ANO7: variants seen among roughly 807,000 people sequenced by gnomAD.
The protein encoded by ANO7 is anoctamin-7.
Under a neutral mutation model 115.8 loss-of-function variants are expected in ANO7, and 114 were observed. The observed-to-expected ratio is 0.98, with a 90% CI of 0.85 to 1.15. The LOEUF (loss-of-function observed/expected upper bound fraction) is 1.15, where lower values mean the gene tolerates loss of function less well. Among genes scored for constraint, ANO7 ranks in the 50% most tolerant of loss-of-function variants. The probability of loss-of-function intolerance (pLI) is 0.00; values close to 1 mark genes in which losing one functional copy is unlikely to be tolerated. For missense variants in ANO7, 1,302 were observed against 1,201.2 expected (o/e 1.08, Z -1.24); for synonymous variants, 550 against 498.2 (o/e 1.10, Z -1.38).
chr2:241,209,579 C>A lies in ANO7; in HGVS notation c.1303C>A (p.Pro435Thr). 1 of 1,603,540 alleles carries A rather than the reference C, an allele frequency of 6.2e-7. No individual in the cohort carries two copies. The highest frequency in any genetic ancestry group is 1.1e-5 in the South Asian group (1 of 90,122). Residue 435 changes from proline (P) to threonine (T), a missense_variant, in exon 13 of 25, where the codon CCT becomes ACT. By Grantham distance (38) the Pro-to-Thr change is conservative. Coordinates refer to ENST00000674324, the MANE Select transcript of ANO7 (RefSeq NM_001370694.2). Reference sequence around the variant, plus strand: ...CACGGGTGAGGACGAGCCCTACTTCCCTGAGAGGAGCCGCGCGCGCCGCAT... The same window carrying A: ...CACGGGTGAGGACGAGCCCTACTTCACTGAGAGGAGCCGCGCGCGCCGCAT... ...PITGEDEPYF[P>T]ERSRARRMLA...
Position 241,223,273 on chromosome 2 carries a change from T to G in ANO7, c.2409T>G (p.Phe803Leu). 1 of 1,614,254 alleles carries G rather than the reference T, an allele frequency of 6.2e-7. No homozygotes were observed. Among genetic ancestry groups the G allele is most frequent in the Non-Finnish European group, 8.5e-7 (1 of 1,180,046 alleles). Residue 803 changes from phenylalanine to leucine, a missense_variant, in exon 22 of 25, where the codon TTT (phenylalanine) becomes TTG (leucine). By Grantham distance (22) the Phe-to-Leu change is conservative. Transcript: ENST00000674324. ...TCCGCCTGGCCTTCGTCATTGTGTT[T>G]GAGGTAGCCGAGGCACCTGCTGGTT... ...LAIRLAFVIV[F>L]EHVVFSVGRL...
chr2:241,188,729 A>G lies in ANO7; in HGVS notation c.-45A>G. On this transcript the variant is annotated 5_prime_UTR_variant, in exon 1 of 25. The change abolishes an upstream ATG in the 5' untranslated region. Coordinates refer to ENST00000674324, the MANE Select transcript of ANO7 (RefSeq NM_001370694.2). This position sits in a 1 kb window ranked among gnomAD's most constrained non-coding sequence, Gnocchi z 4.3. ...CCAGGCTCACGCTGAGAGGTGGGCC[A>G]TGACCTCCGAGACCTCTTCCGGAAG... 6 of 1,613,546 alleles carry G rather than the reference A, an allele frequency of 3.7e-6. No individual in the cohort carries two copies. Among genetic ancestry groups the G allele is most frequent in the South Asian group, 1.1e-5 (1 of 91,060 alleles).
the ANO7 span, chr2:241,240,054 C>G: frequency 6.2e-7 from 1 of 1,614,198 alleles, no homozygotes; most frequent in Non-Finnish European, 8.5e-7. The surrounding 1 kb of genome is among the most constrained non-coding windows in gnomAD (Gnocchi z 5.5). Flanking sequence ...TTTTGCCGCC[C>G]CCCTTGCCGA....
chr2:241,220,542 CA>C (rs1290990868), intron 21 of ANO7, among the ~76,000 whole-genome samples: 1 of 151,882 alleles, frequency 6.6e-6, no homozygotes, highest in Admixed American at 6.6e-5. Flanking sequence ...GTTAAAAATA[CA>C]AAAAAAGGCT....
intron 10 of ANO7, 146 bp from the exon 11 acceptor site, chr2:241,207,428 T>A (rs922192148): frequency 3.3e-6 from 2 of 606,026 alleles, no homozygotes; most frequent in Admixed American, 5.4e-5. Context: ...AAAACAACTA[T>A]TTTTTTTAAG....
chr2:241,190,429 G>A (rs1011669379), intron 2 of ANO7, among the ~76,000 whole-genome samples: 9 of 152,198 alleles, frequency 5.9e-5, no homozygotes, highest in African/African-American at 2.2e-4. Context: ...AGGGTAAGGG[G>A]GGCCTGGCCA....
At chr2:241,189,234 G>A (rs2068129969) in intron 1 of ANO7, among the ~76,000 whole-genome samples, 1 of 152,230 alleles carries the variant, frequency 6.6e-6, no homozygotes, top group African/African-American at 2.4e-5. Context: ...TCGGGCTTCA[G>A]GGTTAGGCAG....
At chr2:241,201,894 G>A (rs76491063) in intron 7 of ANO7, among the ~76,000 whole-genome samples, 1 of 152,222 alleles carries the variant, frequency 6.6e-6, no homozygotes, top group South Asian at 2.1e-4. Flanking sequence ...AGTGGGCTGC[G>A]CACGGCCAGG....
chr2:241,225,915 C>CA lies in ANO7; in HGVS notation c.*1765dup. On this transcript the variant is annotated 3_prime_UTR_variant, in exon 25 of 25. Transcript: ENST00000674324. Reference sequence around the variant, plus strand: ...CTTTCGCTCAGCACAATGCTTACTACAAACCCACGTGTACTTCCTTCCAGC... The same window carrying CA: ...CTTTCGCTCAGCACAATGCTTACTACAAAACCCACGTGTACTTCCTTCCAGC... 6.6e-6 allele frequency among the ~76,000 whole-genome samples: 1 copy of CA among 152,344 alleles called. No individual in the cohort carries two copies. Among genetic ancestry groups the CA allele is most frequent in the East Asian group, 1.9e-4 (1 of 5,182 alleles).
chr2:241,239,029 G>A, the ANO7 span, among the ~76,000 whole-genome samples: 2 of 152,154 alleles, frequency 1.3e-5, no homozygotes, highest in Non-Finnish European at 2.9e-5. The surrounding 1 kb of genome is among the most constrained non-coding windows in gnomAD (Gnocchi z 4.6). Context: ...CTGGAGGGTG[G>A]CCAATTCAGC....
At chr2:241,196,249 T>A in intron 4 of ANO7, 1 of 864,284 alleles carries the variant, frequency 1.2e-6, no homozygotes, top group Non-Finnish European at 1.4e-6. Flanking sequence ...TCGGTGATAA[T>A]GGTAGGTACC....
rs1199135394 is a variant in ANO7 at position 241,214,845 on chromosome 2, T to TGG, written c.1769_1770insGG (p.Leu591AlafsTer22). ...TGCCTGATCGAGCTGGCACAGGAGC[T>TGG]CCTGGTCATCATGGTGGGCAAGCAG... is the stretch of plus-strand genomic sequence containing the variant. On this transcript the variant is annotated frameshift_variant, in exon 18 of 25. Coordinates refer to ENST00000674324, the MANE Select transcript of ANO7 (RefSeq NM_001370694.2). LOFTEE classifies it high-confidence loss of function. The TGG allele has an allele frequency of 6.2e-7, 1 of 1,612,620 alleles. No homozygotes were observed. The highest frequency in any genetic ancestry group is 8.5e-7 in the Non-Finnish European group (1 of 1,179,936).
intron 3 of ANO7, among the ~76,000 whole-genome samples, chr2:241,192,604 G>A (rs1218688218): frequency 6.6e-6 from 1 of 152,170 alleles, no homozygotes; most frequent in East Asian, 1.9e-4. Context: ...TCTGAGGACT[G>A]TGGGGTGGGG....
chr2:241,226,774 A>G (rs892921204), downstream of ANO7, among the ~76,000 whole-genome samples: 3 of 152,122 alleles, frequency 2.0e-5, no homozygotes, highest in African/African-American at 7.2e-5. Flanking sequence ...CCAGGTGGGG[A>G]CCAGCCCAGT....
chr2:241,223,742 G>A lies in ANO7; in HGVS notation c.2493G>A (p.Arg831=), dbSNP rs751927893. The A allele has an allele frequency of 1.7e-5, 28 of 1,614,196 alleles. 1 individual carries two copies. The South Asian group carries it at 3.0e-4, about 17-fold the overall frequency. ...AGTCTGTGGAGATCAAAGTGAAGCG[G>A]GAGTACTACCTGGCTAAGCAGGCAC... The part of the protein sequence containing the change: ...IPESVEIKVK[R]EYYLAKQALA... The change falls in exon 23 of 25, where the codon CGG becomes CGA. Residue 831 remains arginine, a synonymous_variant. Coordinates refer to ENST00000674324, the MANE Select transcript of ANO7 (RefSeq NM_001370694.2).
At chr2:241,237,715 T>C in the ANO7 span, among the ~76,000 whole-genome samples, 51 of 131,362 alleles carry the variant, frequency 3.9e-4, no homozygotes, top group African/African-American at 1.3e-3. Context: ...AAAAATGACA[T>C]TCAGAAAAAA....
Position 241,224,616 on chromosome 2 carries a change from GTT to G in ANO7, c.*465_*466del, listed in dbSNP as rs1187022642. On this transcript the variant is annotated 3_prime_UTR_variant, in exon 25 of 25. Transcript: ENST00000674324. ...GGACCCACCCGCCCCTTCCTGCCCT[GTT>G]TGCGCAGGGACATCACCCACATGCC... The G allele has an allele frequency of 1.8e-5, 3 of 165,322 alleles. No individual in the cohort carries two copies. Among genetic ancestry groups the G allele is most frequent in the Non-Finnish European group, 2.6e-5 (2 of 75,884 alleles). 10.2% of individuals were successfully genotyped at this position (165,322 alleles called of 1,614,324 possible). A position where few individuals can be genotyped will look rare whatever the true frequency, so the allele number is the denominator to read the frequency against.
the ANO7 span, among the ~76,000 whole-genome samples, chr2:241,234,425 G>T: frequency 1.3e-5 from 2 of 152,206 alleles, no homozygotes; most frequent in Admixed American, 1.3e-4. Flanking sequence ...CTGGCTGCAG[G>T]AGACAACCCA....
At chr2:241,234,470 G>T in the ANO7 span, among the ~76,000 whole-genome samples, 15 of 152,312 alleles carry the variant, frequency 9.8e-5, 1 homozygote, top group South Asian at 2.9e-3. Context: ...ACCATGTGAG[G>T]TTCACGAGCT....
Sources: allele counts gnomAD v4.1 joint callset (sites outside exome capture counted in the v4.1 genomes callset), GRCh38; gene constraint gnomAD v4.1.1; non-coding constraint Gnocchi (gnomAD v3.1); transcripts MANE v1.5; gene names NCBI Gene and HGNC (gene_info 2026-07-23, HGNC 2026-07-21).